GUCY1A1: variants seen among roughly 807,000 people sequenced by gnomAD.
The protein encoded by GUCY1A1 is guanylate cyclase soluble subunit alpha-1.
GUCY1A1 carries 48 observed loss-of-function variants against 64.5 expected under a neutral mutation model. The observed-to-expected ratio is 0.74, with a 90% confidence interval of 0.59 to 0.95. The LOEUF is 0.95. Ranked by LOEUF, GUCY1A1 falls within the 40% of genes least tolerant of loss-of-function variation. The probability of loss-of-function intolerance (pLI) is 0.00; values close to 1 mark genes in which losing one functional copy is unlikely to be tolerated. For missense variants in GUCY1A1, 804 were observed against 825.3 expected, an observed-to-expected ratio of 0.97 and a Z score of 0.32; for synonymous variants, 308 against 303.4, an observed-to-expected ratio of 1.02 and a Z score of -0.16.
At chr4:155,683,553 T>A (rs752779221) in intron 2 of GUCY1A1, among the ~76,000 whole-genome samples, 1 of 152,086 alleles carries the variant, frequency 6.6e-6, no homozygotes, top group Non-Finnish European at 1.5e-5. Context: ...CTTGATTAAG[T>A]GACAAAGACA....
intron 2 of GUCY1A1, among the ~76,000 whole-genome samples, chr4:155,675,113 C>T (rs138107155): frequency 5.3e-5 from 8 of 151,622 alleles, no homozygotes; most frequent in South Asian, 2.1e-4. Context: ...TTATTTGGCA[C>T]GTGACAGTAT....
At chr4:155,682,885 G>A (rs1378108839) in intron 2 of GUCY1A1, among the ~76,000 whole-genome samples, 1 of 152,038 alleles carries the variant, frequency 6.6e-6, no homozygotes, top group Admixed American at 6.6e-5. Context: ...TAGAAACTCT[G>A]ATTTAGCTTT....
intron 2 of GUCY1A1, among the ~76,000 whole-genome samples, chr4:155,682,387 G>A (rs1735901782): frequency 6.6e-6 from 1 of 152,032 alleles, no homozygotes; most frequent in South Asian, 2.1e-4. Flanking sequence ...ATATACATAA[G>A]AAAATTCGAC....
chr4:155,686,229 A>G (rs1728983135), intron 2 of GUCY1A1, among the ~76,000 whole-genome samples: 1 of 152,108 alleles, frequency 6.6e-6, no homozygotes, highest in Non-Finnish European at 1.5e-5. Flanking sequence ...TAATCCCAAC[A>G]CTTTGGGAGG....
intron 5 of GUCY1A1, among the ~76,000 whole-genome samples, chr4:155,709,819 C>T (rs769177474): frequency 1.3e-4 from 20 of 151,878 alleles, no homozygotes; most frequent in South Asian, 4.2e-4. Context: ...GGCGACAGAG[C>T]GAGACTCTGT....
intron 2 of GUCY1A1, among the ~76,000 whole-genome samples, chr4:155,693,418 C>T (rs1428081769): frequency 6.6e-6 from 1 of 152,034 alleles, no homozygotes; most frequent in Non-Finnish European, 1.5e-5. Flanking sequence ...CTGAATTCAC[C>T]CACTGACCAA....
At chr4:155,680,493 T>C (rs926716343) in intron 2 of GUCY1A1, among the ~76,000 whole-genome samples, 1 of 150,124 alleles carries the variant, frequency 6.7e-6, no homozygotes, top group African/African-American at 2.4e-5. Flanking sequence ...TGCACATGCA[T>C]GTGTATGATC....
intron 2 of GUCY1A1, among the ~76,000 whole-genome samples, chr4:155,672,217 T>C (rs1196257299): frequency 6.6e-6 from 1 of 152,176 alleles, no homozygotes; most frequent in Non-Finnish European, 1.5e-5. Context: ...TCTTGGATTC[T>C]GAGTCCTTGA....
chr4:155,702,782 C>G (rs1407918462), intron 3 of GUCY1A1, among the ~76,000 whole-genome samples: 1 of 151,930 alleles, frequency 6.6e-6, no homozygotes, highest in Non-Finnish European at 1.5e-5. Flanking sequence ...CTTTTCATAA[C>G]TCATGTCATT....
Position 155,709,292 on chromosome 4 carries a change from A to AC in GUCY1A1, c.376+1001dup, listed in dbSNP as rs1256772393. Among the ~76,000 whole-genome samples, 6 of 152,312 alleles carry AC rather than the reference A, an allele frequency of 3.9e-5. No individual in the cohort carries two copies. In the South Asian group the frequency reaches 1.2e-3, roughly 32 times the overall value. On this transcript the variant is annotated intron_variant, in intron 5 of 9. Transcript: ENST00000506455. ...AGAGTCTTTCTTATAAGACGGCCTG[A>AC]CCCAAACCAAGACTCCTTTTGTCTT...
rs1735911123 is a variant in GUCY1A1, at chr4:155,734,892, G to A, written c.*4661G>A. On this transcript the variant is annotated 3_prime_UTR_variant, in exon 10 of 10. Transcript: ENST00000506455. ...CTGGGAAATATTTGTATCCTTTAGT[G>A]AAAAGGGGAAGAATCAATTACTGAA... 6.6e-6 allele frequency: 1 copy of A among 151,938 alleles called. No individual in the cohort carries two copies. The highest frequency in any genetic ancestry group is 1.5e-5 in the Non-Finnish European group (1 of 67,922). The allele number at this position is 151,938 out of a possible 1,614,324, so 9.4% of individuals were successfully genotyped here. A position where few individuals can be genotyped will look rare whatever the true frequency, so the allele number is the denominator to read the frequency against.
intron 2 of GUCY1A1, among the ~76,000 whole-genome samples, chr4:155,687,666 C>T (rs1729168618): frequency 6.6e-6 from 1 of 152,022 alleles, no homozygotes; most frequent in African/African-American, 2.4e-5. Flanking sequence ...TATTATTATC[C>T]TTATTTTTCA....
chr4:155,694,710 G>A (rs1055522364), intron 2 of GUCY1A1, among the ~76,000 whole-genome samples: 4 of 152,172 alleles, frequency 2.6e-5, no homozygotes, highest in Non-Finnish European at 4.4e-5. Context: ...CATGTAACCT[G>A]CAAAGCTGAC....
chr4:155,732,757 C>T lies in GUCY1A1; in HGVS notation c.*2526C>T, dbSNP rs1471223846. Among the ~76,000 whole-genome samples, 1 of 151,884 alleles carries T rather than the reference C, an allele frequency of 6.6e-6. No individual in the cohort carries two copies. The highest frequency in any genetic ancestry group is 1.5e-5 in the Non-Finnish European group (1 of 67,878). Reference sequence around the variant, plus strand: ...CATTTAACTATTCTAAAAAATAAGACTGGGTCTCAAGACTGCTTCCCTAAC... The same window carrying T: ...CATTTAACTATTCTAAAAAATAAGATTGGGTCTCAAGACTGCTTCCCTAAC... On this transcript the variant is annotated 3_prime_UTR_variant, in exon 10 of 10. Coordinates refer to ENST00000506455, the MANE Select transcript of GUCY1A1 (RefSeq NM_001130682.3).
Position 155,717,235 on chromosome 4 carries a change from C to A in GUCY1A1, c.1649C>A (p.Ala550Glu). The A allele has an allele frequency of 2.5e-6, 4 of 1,597,982 alleles. No individual in the cohort carries two copies. The highest frequency in any genetic ancestry group is 1.3e-5 in the African/African-American group (1 of 74,600). ...KESDTHAVQIALMALKMMELS... is the reference protein window; with the variant it reads ...KESDTHAVQIELMALKMMELS... ...AGTGATACTCATGCTGTTCAGATAG[C>A]GCTGATGGCCCTGAAGATGATGGAG... Residue 550 changes from alanine to glutamate, a missense_variant, in exon 8 of 10, where the codon GCG becomes GAG. Ala to Glu is a moderately radical substitution (Grantham distance 107). Coordinates refer to ENST00000506455, the MANE Select transcript of GUCY1A1 (RefSeq NM_001130682.3).
chr4:155,710,851 C>T lies in GUCY1A1; in HGVS notation c.686C>T (p.Thr229Met), dbSNP rs199645835. The T allele has an allele frequency of 2.7e-4, 431 of 1,614,034 alleles. No individual in the cohort carries two copies. The highest frequency in any genetic ancestry group is 1.4e-4 in the Non-Finnish European group (170 of 1,179,934). ...IKAAAHVLYE[T>M]EVEVSLMPPC... ...GCAGCTGCTCACGTATTATATGAAA[C>T]GGAAGTGGAAGTGTCGTTAATGCCT... Residue 229 changes from threonine (T) to methionine (M), a missense_variant, in exon 6 of 10, where the codon ACG becomes ATG. Thr to Met is a moderately conservative substitution (Grantham distance 81, BLOSUM62 -1). Coordinates refer to ENST00000506455, the MANE Select transcript of GUCY1A1 (RefSeq NM_001130682.3).
intron 8 of GUCY1A1, among the ~76,000 whole-genome samples, chr4:155,719,919 T>C (rs1360671780): frequency 6.6e-6 from 1 of 152,194 alleles, no homozygotes; most frequent in African/African-American, 2.4e-5. Flanking sequence ...TGCCTTTGCC[T>C]TTCATTATTT....
At chr4:155,683,951 A>G (rs543271293) in intron 2 of GUCY1A1, among the ~76,000 whole-genome samples, 1 of 152,312 alleles carries the variant, frequency 6.6e-6, no homozygotes, top group African/African-American at 2.4e-5. Flanking sequence ...GGGTGAACTC[A>G]ATACACCTAT....
chr4:155,715,895 G>C (rs1235966577), intron 7 of GUCY1A1, among the ~76,000 whole-genome samples: 1 of 152,134 alleles, frequency 6.6e-6, no homozygotes, highest in Non-Finnish European at 1.5e-5. Flanking sequence ...GTATAATAAT[G>C]TGAAAGAAAA....
Sources: allele counts gnomAD v4.1 joint callset (sites outside exome capture counted in the v4.1 genomes callset), GRCh38; gene constraint gnomAD v4.1.1; transcripts MANE v1.5; gene names NCBI Gene and HGNC (gene_info 2026-07-23, HGNC 2026-07-21).